ERC2: variants seen among roughly 807,000 people sequenced by gnomAD.
ERC2 encodes the protein ELKS/RAB6-interacting/CAST family member 2, also known as ERC protein 2.
ERC2 carries 42 observed loss-of-function variants against 114.8 expected under a neutral mutation model. The observed-to-expected ratio is 0.37, with a 90% CI of 0.29 to 0.47. The LOEUF is 0.47. ERC2 is among the 20% of genes least tolerant of loss of function. The probability of loss-of-function intolerance (pLI) is 0.99; values close to 1 mark genes in which losing one functional copy is unlikely to be tolerated. For synonymous variants in ERC2, 454 were observed against 425.5 expected, an observed-to-expected ratio of 1.07 and a Z score of -0.82; for missense variants, 939 against 1,150.7, an observed-to-expected ratio of 0.82 and a Z score of 2.66.
chr3:56,346,917 C>T (rs1321615536), intron 2 of ERC2, among the ~76,000 whole-genome samples: 4 of 152,138 alleles, frequency 2.6e-5, no homozygotes, highest in African/African-American at 4.8e-5. Flanking sequence ...CTTTTATAAT[C>T]GGCATTAATC....
At chr3:56,028,879 C>T (rs564473984) in intron 7 of ERC2, among the ~76,000 whole-genome samples, 2 of 152,070 alleles carry the variant, frequency 1.3e-5, no homozygotes, top group Non-Finnish European at 2.9e-5. Context: ...TTGTTTTTAT[C>T]CTGAATTTAC....
rs36089023 is a variant in ERC2 at position 56,258,976 on chromosome 3, A to ATTT, written c.1074+37040_1074+37042dup. On this transcript the variant is annotated intron_variant, in intron 3 of 17. Coordinates refer to ENST00000288221, the MANE Select transcript of ERC2 (RefSeq NM_015576.3). ...TGTTTTTCTTTTAATTAATTAATTA[A>ATTT]TTTTTTTTTTTTTTGAGACTGAGTT... Among the ~76,000 whole-genome samples, 117 of 144,178 alleles carry ATTT rather than the reference A, an allele frequency of 8.1e-4. 1 individual carries two copies. The highest frequency in any genetic ancestry group is 3.6e-3 in the Middle Eastern group (1 of 276). The allele number at this position is 144,178 out of a possible 152,430, so 94.6% of individuals were successfully genotyped here. A position where few individuals can be genotyped will look rare whatever the true frequency, so the allele number is the denominator to read the frequency against.
chr3:56,310,717 T>C (rs2150392424), intron 2 of ERC2, among the ~76,000 whole-genome samples: 1 of 152,250 alleles, frequency 6.6e-6, no homozygotes, highest in Non-Finnish European at 1.5e-5. Flanking sequence ...ACCTCCATGC[T>C]ACTCAGAGGA....
intron 1 of ERC2, among the ~76,000 whole-genome samples, chr3:56,457,780 C>G (rs1048634695): frequency 6.6e-6 from 1 of 152,130 alleles, no homozygotes; most frequent in Non-Finnish European, 1.5e-5. Context: ...GCATGCTATT[C>G]CCCCTGTTAT....
chr3:55,822,196 A>G (rs1036782742), intron 14 of ERC2, among the ~76,000 whole-genome samples: 4 of 152,232 alleles, frequency 2.6e-5, no homozygotes, highest in African/African-American at 9.6e-5. Context: ...GACATGGTGC[A>G]GTTGTTCAAG....
chr3:55,799,433 T>TAA (rs1159051494), intron 14 of ERC2, among the ~76,000 whole-genome samples: 1 of 90,468 alleles, frequency 1.1e-5, no homozygotes, highest in Non-Finnish European at 2.3e-5. Context: ...CATATATATA[T>TAA]GCCTTATATA....
intron 14 of ERC2, among the ~76,000 whole-genome samples, chr3:55,821,020 G>C (rs897942451): frequency 2.0e-5 from 3 of 152,208 alleles, no homozygotes; most frequent in African/African-American, 7.2e-5. Context: ...GAAGGAAACA[G>C]AATGAGGAAA....
In ERC2 at chr3:56,343,192, T is replaced by TCACACACACACACACACACA. The variant is rs61632315; in HGVS notation, c.658-46758_658-46757insTGTGTGTGTGTGTGTGTGTG. 5.2e-3 allele frequency among the ~76,000 whole-genome samples: 658 copies of TCACACACACACACACACACA among 126,134 alleles called. 3 individuals are homozygous for TCACACACACACACACACACA. Among genetic ancestry groups the TCACACACACACACACACACA allele is most frequent in the Middle Eastern group, 0.012 (3 of 258 alleles). 82.7% of individuals were successfully genotyped at this position (126,134 alleles called of 152,430 possible). A position where few individuals can be genotyped will look rare whatever the true frequency, so the allele number is the denominator to read the frequency against. ...TTCTCTCTCTCTCTCTCTCTCTCTC[T>TCACACACACACACACACACA]CACACACACACACACACAAACACAC... On this transcript the variant is annotated intron_variant, in intron 2 of 17. Coordinates refer to ENST00000288221, the MANE Select transcript of ERC2 (RefSeq NM_015576.3).
At chr3:55,643,192 G>A (rs1297750438) in intron 17 of ERC2, among the ~76,000 whole-genome samples, 1 of 151,984 alleles carries the variant, frequency 6.6e-6, no homozygotes, top group Non-Finnish European at 1.5e-5. Context: ...TTTAAAAATG[G>A]GATTGGCAAT....
intron 4 of ERC2, among the ~76,000 whole-genome samples, chr3:56,151,575 C>T (rs1022058344): frequency 6.6e-6 from 1 of 152,066 alleles, no homozygotes; most frequent in African/African-American, 2.4e-5. Flanking sequence ...GGAATATAAG[C>T]ATGAAAATAA....
intron 2 of ERC2, among the ~76,000 whole-genome samples, chr3:56,306,923 T>A (rs1340513845): frequency 6.6e-6 from 1 of 152,154 alleles, no homozygotes; most frequent in African/African-American, 2.4e-5. Flanking sequence ...ACACAAATCA[T>A]AACTTCAGTG....
chr3:55,680,135 G>C (rs1178893335), intron 17 of ERC2, among the ~76,000 whole-genome samples: 1 of 152,092 alleles, frequency 6.6e-6, no homozygotes, highest in African/African-American at 2.4e-5. Context: ...TCTTCATTTT[G>C]AACAGGCTGC....
At chr3:55,754,891 C>A (rs1227692790) in intron 14 of ERC2, among the ~76,000 whole-genome samples, 2 of 151,994 alleles carry the variant, frequency 1.3e-5, no homozygotes, top group Non-Finnish European at 2.9e-5. Flanking sequence ...ACTAATATAG[C>A]AAAATAACTG....
At position 56,038,102 on chromosome 3, in the gene ERC2, A is replaced by C. The variant is rs576014812; in HGVS notation, c.1642-19071T>G. Among the ~76,000 whole-genome samples the C allele has an allele frequency of 6.2e-4, 94 of 152,314 alleles. 1 individual carries two copies. In the South Asian group the frequency reaches 0.019, roughly 32 times the overall value. ...CAAATAGGATCTAATTAAACTAAAG[A>C]GCTTCTACACAGCAAAAGAAACTAT... is the stretch of plus-strand genomic sequence containing the variant. On this transcript the variant is annotated intron_variant, in intron 7 of 17. Coordinates refer to ENST00000288221, the MANE Select transcript of ERC2 (RefSeq NM_015576.3).
chr3:56,008,646 C>A lies in ERC2; in HGVS notation c.1921-1325G>T, dbSNP rs2072685934. 2.0e-5 allele frequency among the ~76,000 whole-genome samples: 3 copies of A among 152,264 alleles called. No individual in the cohort carries two copies. The South Asian group carries it at 6.2e-4, about 32-fold the overall frequency. On this transcript the variant is annotated intron_variant, in intron 9 of 17. Transcript: ENST00000288221. ...TTAGTCAACTTGGCTAGGCTCTAGT[C>A]CTCAGTTATTAATCTAGGAGTTGCT...
chr3:56,189,605 A>C (rs951735405), intron 3 of ERC2, among the ~76,000 whole-genome samples: 1 of 152,208 alleles, frequency 6.6e-6, no homozygotes, highest in African/African-American at 2.4e-5. Context: ...GTTCTGTATC[A>C]AGGGGCTCAC....
At chr3:55,773,082 GAGCA>G (rs1164270008) in intron 14 of ERC2, among the ~76,000 whole-genome samples, 1 of 152,154 alleles carries the variant, frequency 6.6e-6, no homozygotes, top group Non-Finnish European at 1.5e-5. Flanking sequence ...TGTTACATTG[GAGCA>G]AGTGATTCCT....
At chr3:55,878,000 A>G (rs2062943864) in intron 14 of ERC2, among the ~76,000 whole-genome samples, 1 of 152,054 alleles carries the variant, frequency 6.6e-6, no homozygotes, top group South Asian at 2.1e-4. Flanking sequence ...GCCTCCTCTG[A>G]CTTACCATGT....
chr3:55,747,546 G>A (rs1165594076), intron 14 of ERC2, among the ~76,000 whole-genome samples: 1 of 152,202 alleles, frequency 6.6e-6, no homozygotes, highest in Non-Finnish European at 1.5e-5. Context: ...AAAGAAATGA[G>A]ACAAAATTTA....
Sources: allele counts gnomAD v4.1 joint callset (sites outside exome capture counted in the v4.1 genomes callset), GRCh38; gene constraint gnomAD v4.1.1; transcripts MANE v1.5; gene names NCBI Gene and HGNC (gene_info 2026-07-23, HGNC 2026-07-21).